Variants in FBXO38 observed in about 807,000 individuals in gnomAD.
The protein encoded by FBXO38 is F-box only protein 38.
In FBXO38, 53 loss-of-function variants were observed where a neutral mutation model predicts 131.9. The observed-to-expected ratio is 0.40, with a 90% CI of 0.32 to 0.51. FBXO38 has a LOEUF of 0.51. Among genes scored for constraint, FBXO38 ranks in the 20% least tolerant of loss-of-function variants. The pLI, the probability that FBXO38 is intolerant of heterozygous loss-of-function variation, is 0.53. For synonymous variants in FBXO38, 452 were observed against 505.6 expected, an observed-to-expected ratio of 0.89 and a Z score of 1.42; for missense variants, 1,076 against 1,475.6, an observed-to-expected ratio of 0.73 and a Z score of 4.44.
At chr5:148,406,753 CA>C (rs913163079) in intron 7 of FBXO38, among the ~76,000 whole-genome samples, 24 of 151,292 alleles carry the variant, frequency 1.6e-4, no homozygotes, top group Admixed American at 4.6e-4. Flanking sequence ...CCGAGGCTTC[CA>C]AAAAAAATTT....
At chr5:148,393,208 TG>T (rs1397772916) in intron 1 of FBXO38, among the ~76,000 whole-genome samples, 6 of 150,612 alleles carry the variant, frequency 4.0e-5, no homozygotes, top group African/African-American at 1.5e-4. Context: ...TGTGTGTGTG[TG>T]TGTGTGTGTG....
intron 1 of FBXO38, among the ~76,000 whole-genome samples, chr5:148,385,485 C>A (rs916479096): frequency 6.6e-6 from 1 of 152,220 alleles, no homozygotes; most frequent in Admixed American, 6.5e-5. Context: ...CCCTGCTTCA[C>A]ACTGGTACAT....
chr5:148,411,935 ATT>A (rs1752783226), intron 9 of FBXO38, among the ~76,000 whole-genome samples: 1 of 152,100 alleles, frequency 6.6e-6, no homozygotes, highest in Admixed American at 6.5e-5. Flanking sequence ...TCTTTCTATA[ATT>A]TTGTTTTCTA....
At chr5:148,401,434 G>A (rs866805238) in intron 3 of FBXO38, among the ~76,000 whole-genome samples, 1 of 152,198 alleles carries the variant, frequency 6.6e-6, no homozygotes, top group Non-Finnish European at 1.5e-5. Flanking sequence ...AAATGGCGGG[G>A]GAGTAATAGT....
intron 11 of FBXO38, 117 bp downstream of exon 11, chr5:148,416,187 C>A: frequency 1.1e-6 from 1 of 928,704 alleles, no homozygotes; most frequent in Non-Finnish European, 1.5e-6. Flanking sequence ...TACAGTCGGA[C>A]TTTTTACTGC....
rs116805970 is a variant in FBXO38 at position 148,432,432 on chromosome 5, G to A, written c.2654-992G>A. ...AAGATTGCAGGTTTTCTAGCTTAGT[G>A]ACTGGTGCTAGATTTCCTGGGTTTG... On this transcript the variant is annotated intron_variant, in intron 15 of 21. Transcript: ENST00000340253. Among the ~76,000 whole-genome samples, 1,392 of 152,302 alleles carry A rather than the reference G, an allele frequency of 9.1e-3. 12 individuals are homozygous for A. Among genetic ancestry groups the A allele is most frequent in the Non-Finnish European group, 0.017 (1,126 of 68,026 alleles).
chr5:148,399,446 G>A, intron 3 of FBXO38: 1 of 212,006 alleles, frequency 4.7e-6, no homozygotes, highest in South Asian at 1.2e-4. Flanking sequence ...GACACTGTGT[G>A]TCCTTTACTG....
At position 148,442,705 on chromosome 5, in the gene FBXO38, T is replaced by G. The variant is rs1180967233; in HGVS notation, c.*558T>G. 6.6e-6 allele frequency: 1 copy of G among 152,158 alleles called. No individual in the cohort carries two copies. Among genetic ancestry groups the G allele is most frequent in the Non-Finnish European group, 1.5e-5 (1 of 68,046 alleles). 9.4% of individuals were successfully genotyped at this position (152,158 alleles called of 1,614,324 possible). The stretch of plus-strand genomic sequence containing the variant: ...TTTCTTAAAATCAAGTAAAAAGACT[T>G]ATGAGCTTAAAAAAAAGTGAGTTTG... On this transcript the variant is annotated 3_prime_UTR_variant, in exon 22 of 22. Coordinates refer to ENST00000340253, the MANE Select transcript of FBXO38 (RefSeq NM_205836.3).
At chr5:148,428,738 G>A (rs1753866946) in intron 15 of FBXO38, among the ~76,000 whole-genome samples, 1 of 152,012 alleles carries the variant, frequency 6.6e-6, no homozygotes, top group African/African-American at 2.4e-5. Flanking sequence ...AGTGCTTTTT[G>A]TATATTCAAA....
In FBXO38 at chr5:148,427,572, T is replaced by C. The variant is rs757844566; in HGVS notation, c.2278T>C (p.Ser760Pro). The change falls in exon 15 of 22, where the codon TCT (serine) becomes CCT (proline). Residue 760 changes from serine (S) to proline (P), a missense_variant. Ser to Pro is a moderately conservative substitution (Grantham distance 74, BLOSUM62 -1). This residue lies in a region of FBXO38 where 213 missense variants were observed against 225.2 expected (regional missense o/e 0.95). Coordinates refer to ENST00000340253, the MANE Select transcript of FBXO38 (RefSeq NM_205836.3). ...CTGCTCCCCCGGTGGGTCAGAGGAC[T>C]CTGAGGCCATGGAGGAGGGAGATGC... is the stretch of plus-strand genomic sequence containing the variant. ...CACSPGGSED[S>P]EAMEEGDAES... 6.2e-7 allele frequency: 1 copy of C among 1,614,110 alleles called. No individual in the cohort carries two copies. The highest frequency in any genetic ancestry group is 8.5e-7 in the Non-Finnish European group (1 of 1,180,028).
chr5:148,410,452 CATGTTCGTGAGG>C, intron 8 of FBXO38, 171 bp from the exon 9 acceptor site: 1 of 656,126 alleles, frequency 1.5e-6, no homozygotes. Context: ...TGCCTTCAGC[CATGTTCGTGAGG>C]CCTCCCCAGC....
At chr5:148,438,541 G>C in intron 18 of FBXO38, 43 bp downstream of exon 18, 1 of 1,570,472 alleles carries the variant, frequency 6.4e-7, no homozygotes, top group African/African-American at 1.4e-5. Flanking sequence ...ATATTGTGGT[G>C]TTTTTCTTTT....
At chr5:148,441,000 A>G in intron 20 of FBXO38, 124 bp from the exon 21 acceptor site, 1 of 698,756 alleles carries the variant, frequency 1.4e-6, no homozygotes, top group Non-Finnish European at 2.6e-6. Context: ...ATAGCTGGAA[A>G]TGATTTGAGG....
chr5:148,395,194 T>G (rs1311328424), intron 2 of FBXO38, among the ~76,000 whole-genome samples: 1 of 152,168 alleles, frequency 6.6e-6, no homozygotes, highest in Non-Finnish European at 1.5e-5. Flanking sequence ...TCTAGGCTTC[T>G]TGGGATTTTT....
At chr5:148,390,822 C>G (rs540190417) in intron 1 of FBXO38, among the ~76,000 whole-genome samples, 38 of 152,032 alleles carry the variant, frequency 2.5e-4, no homozygotes, top group African/African-American at 8.4e-4. Flanking sequence ...TTGCAGAATC[C>G]TAAGGAACAA....
chr5:148,398,955 A>G (rs1197928990), intron 2 of FBXO38, 44 bp from the exon 3 acceptor site: 2 of 1,606,622 alleles, frequency 1.2e-6, no homozygotes, highest in East Asian at 2.2e-5. Flanking sequence ...GTGAGAAGTA[A>G]TACTTATCCA....
In FBXO38 at chr5:148,427,851, G is replaced by A. The variant is rs1753815894; in HGVS notation, c.2557G>A (p.Glu853Lys). The A allele has an allele frequency of 6.3e-7, 1 of 1,594,086 alleles. No homozygotes were observed. Among genetic ancestry groups the A allele is most frequent in the South Asian group, 1.2e-5 (1 of 86,870 alleles). ...GGACAGGAGGGGGAGCTCCCAGCCT[G>A]AGAGTTGTGACGTGCAGTCTAATGA... Reference protein sequence around the residue: ...GEDRRGSSQPESCDVQSNEDY... With the variant: ...GEDRRGSSQPKSCDVQSNEDY... The change falls in exon 15 of 22, where the codon GAG becomes AAG. Residue 853 changes from glutamate (E) to lysine (K), a missense_variant. This residue lies in a region of FBXO38 where 213 missense variants were observed against 225.2 expected (regional missense o/e 0.95). Transcript: ENST00000340253.
chr5:148,430,767 C>T (rs1279856433), intron 15 of FBXO38: 1 of 151,848 alleles, frequency 6.6e-6, no homozygotes, highest in Non-Finnish European at 1.5e-5. Context: ...AATTTATGGC[C>T]CTGTGGAGTG....
intron 9 of FBXO38, among the ~76,000 whole-genome samples, chr5:148,412,188 CT>C (rs1168192767): frequency 5.9e-5 from 9 of 152,104 alleles, no homozygotes; most frequent in African/African-American, 1.9e-4. Flanking sequence ...TTATGTTGAA[CT>C]TTGTACATTC....
Sources: gnomAD v4.1 joint callset for allele counts (sites outside exome capture counted in the v4.1 genomes callset) on GRCh38, gnomAD v4.1.1 for gene constraint, gnomAD v4.1.1 regional missense constraint, MANE v1.5 for transcripts, NCBI Gene and HGNC (gene_info 2026-07-23, HGNC 2026-07-21) for gene names.